Variants in NLGN1 observed in about 807,000 individuals in gnomAD.
NLGN1 encodes neuroligin 1, also known as neuroligin-1.
In NLGN1, 12 loss-of-function variants were observed where a neutral mutation model predicts 65.5. That is an observed-to-expected ratio of 0.18 (90% confidence interval 0.12 to 0.30). NLGN1 has a LOEUF of 0.30. Ranked by LOEUF, NLGN1 falls within the 10% of genes least tolerant of loss-of-function variation. The pLI is 1.00. For synonymous variants in NLGN1, 350 were observed against 359.5 expected, an observed-to-expected ratio of 0.97 and a Z score of 0.30; for missense variants, 750 against 1,007.1, an observed-to-expected ratio of 0.74 and a Z score of 3.46.
intron 4 of NLGN1, among the ~76,000 whole-genome samples, chr3:174,019,713 A>G (rs1727347871): frequency 6.6e-6 from 1 of 152,154 alleles, no homozygotes; most frequent in African/African-American, 2.4e-5. Context: ...TCTGCAAATA[A>G]TATGCATTAT....
At chr3:173,791,001 C>CT (rs1171535194) in intron 3 of NLGN1, among the ~76,000 whole-genome samples, 1 of 152,068 alleles carries the variant, frequency 6.6e-6, no homozygotes, top group Non-Finnish European at 1.5e-5. Context: ...TAGGAAATAC[C>CT]TTTTAGAGTC....
At chr3:173,429,496 G>A (rs1716794399) in intron 1 of NLGN1, among the ~76,000 whole-genome samples, 1 of 152,092 alleles carries the variant, frequency 6.6e-6, no homozygotes, top group Admixed American at 6.6e-5. Context: ...TCAGACATTG[G>A]CTTCTTTTTT....
At chr3:173,502,046 A>C (rs1731216747) in intron 2 of NLGN1, among the ~76,000 whole-genome samples, 1 of 152,040 alleles carries the variant, frequency 6.6e-6, no homozygotes, top group Admixed American at 6.6e-5. Flanking sequence ...CATGACCTAG[A>C]CTTTGAGGTT....
At chr3:173,411,722 C>G (rs1314885141) in intron 1 of NLGN1, among the ~76,000 whole-genome samples, 1 of 152,082 alleles carries the variant, frequency 6.6e-6, no homozygotes, top group African/African-American at 2.4e-5. Flanking sequence ...CATCTCTTAT[C>G]TAATATTATT....
At chr3:174,221,338 A>G (rs1204831346) in intron 4 of NLGN1, among the ~76,000 whole-genome samples, 2 of 152,082 alleles carry the variant, frequency 1.3e-5, no homozygotes, top group African/African-American at 4.8e-5. Flanking sequence ...AATCACAAAA[A>G]CCATCAGCAC....
At chr3:173,934,781 G>T (rs1304044236) in intron 4 of NLGN1, among the ~76,000 whole-genome samples, 8 of 151,886 alleles carry the variant, frequency 5.3e-5, no homozygotes, top group Admixed American at 5.3e-4. Context: ...AAATCACAAG[G>T]CAAGTTGAGG....
At chr3:173,727,621 C>T (rs1383951917) in intron 3 of NLGN1, among the ~76,000 whole-genome samples, 1 of 152,078 alleles carries the variant, frequency 6.6e-6, no homozygotes, top group Non-Finnish European at 1.5e-5. Context: ...AACCTTTCAG[C>T]TCTTGCCCAA....
intron 4 of NLGN1, among the ~76,000 whole-genome samples, chr3:173,822,265 T>G (rs114799979): frequency 1.5e-3 from 236 of 152,260 alleles, no homozygotes; most frequent in Non-Finnish European, 2.7e-3. Flanking sequence ...ATCTACTCCA[T>G]GCATTAGCTT....
At chr3:173,961,116 T>C in intron 4 of NLGN1, among the ~76,000 whole-genome samples, 1 of 152,116 alleles carries the variant, frequency 6.6e-6, no homozygotes, top group East Asian at 1.9e-4. Context: ...TTTTGTGTTA[T>C]TTTGCTATTT....
intron 4 of NLGN1, among the ~76,000 whole-genome samples, chr3:173,820,399 G>C (rs778666857): frequency 6.6e-6 from 1 of 152,082 alleles, no homozygotes; most frequent in African/African-American, 2.4e-5. Context: ...AAGTGAAAGC[G>C]TTGGTGCTCA....
At chr3:174,063,771 G>A (rs1397538227) in intron 4 of NLGN1, among the ~76,000 whole-genome samples, 1 of 152,092 alleles carries the variant, frequency 6.6e-6, no homozygotes, top group South Asian at 2.1e-4. Flanking sequence ...GTAAATTTAG[G>A]ACAAACATTT....
chr3:174,279,118 A>T lies in NLGN1; in HGVS notation c.1117A>T (p.Met373Leu), dbSNP rs1373539267. The T allele has an allele frequency of 6.2e-7, 1 of 1,613,402 alleles. No homozygotes were observed. The highest frequency in any genetic ancestry group is 8.5e-7 in the Non-Finnish European group (1 of 1,179,546). Residue 373 changes from methionine to leucine, a missense_variant, in exon 6 of 7, where the codon ATG becomes TTG. Coordinates refer to ENST00000457714, the Ensembl canonical transcript of NLGN1. This position sits in a 1 kb window ranked among gnomAD's most constrained non-coding sequence, Gnocchi z 4.7. Reference sequence around the variant, plus strand: ...AATACCAGACGACCCCCAGATATTGATGGAGCAAGGAGAGTTTCTCAACTA... The same window carrying T: ...AATACCAGACGACCCCCAGATATTGTTGGAGCAAGGAGAGTTTCTCAACTA...
At chr3:173,763,426 T>C (rs549870738) in intron 3 of NLGN1, among the ~76,000 whole-genome samples, 4 of 152,132 alleles carry the variant, frequency 2.6e-5, no homozygotes, top group Non-Finnish European at 5.9e-5. Flanking sequence ...TTTCATGCCC[T>C]GTTGAATAAA....
intron 2 of NLGN1, among the ~76,000 whole-genome samples, chr3:173,460,986 T>A (rs1402050363): frequency 6.6e-6 from 1 of 152,130 alleles, no homozygotes; most frequent in Non-Finnish European, 1.5e-5. Flanking sequence ...TGTGATTACA[T>A]CTGGATGGTA....
intron 3 of NLGN1, among the ~76,000 whole-genome samples, chr3:173,629,544 A>G (rs1423166091): frequency 6.6e-6 from 1 of 152,220 alleles, no homozygotes; most frequent in Non-Finnish European, 1.5e-5. Context: ...AGGTATGATT[A>G]GTAAAAGAAA....
chr3:174,107,138 C>T (rs1392836045), intron 4 of NLGN1, among the ~76,000 whole-genome samples: 2 of 151,864 alleles, frequency 1.3e-5, no homozygotes, highest in African/African-American at 2.4e-5. Context: ...TGCCTTTACC[C>T]GGTTTCACAA....
At chr3:174,255,457 G>A (rs923517198) in intron 4 of NLGN1, among the ~76,000 whole-genome samples, 13 of 84,478 alleles carry the variant, frequency 1.5e-4, no homozygotes, top group Admixed American at 2.1e-4. Flanking sequence ...AAAAAAAAAA[G>A]CGCAAGTCAA....
At chr3:173,964,781 A>C (rs1714431438) in intron 4 of NLGN1, among the ~76,000 whole-genome samples, 1 of 152,222 alleles carries the variant, frequency 6.6e-6, no homozygotes, top group African/African-American at 2.4e-5. Flanking sequence ...CTCAAATCTA[A>C]GTAACTATCA....
intron 4 of NLGN1, among the ~76,000 whole-genome samples, chr3:174,091,591 A>T (rs1397952606): frequency 6.6e-6 from 1 of 152,246 alleles, no homozygotes; most frequent in Admixed American, 6.5e-5. Flanking sequence ...TTTTTAATCC[A>T]AAAATACTGT....
Sources: gnomAD v4.1 joint callset for allele counts (sites outside exome capture counted in the v4.1 genomes callset) on GRCh38, gnomAD v4.1.1 for gene constraint, Gnocchi (gnomAD v3.1) non-coding constraint, MANE v1.5 for transcripts, NCBI Gene and HGNC (gene_info 2026-07-23, HGNC 2026-07-21) for gene names.